TNFRSF19: variants seen among roughly 807,000 people sequenced by gnomAD.
TNFRSF19 encodes TNF receptor superfamily member 19.
Under a neutral mutation model 46.4 loss-of-function variants are expected in TNFRSF19, and 27 were observed. The observed-to-expected ratio is 0.58, with a 90% CI of 0.43 to 0.80. The LOEUF (loss-of-function observed/expected upper bound fraction) is 0.80. Ranked by LOEUF, TNFRSF19 falls within the 30% of genes least tolerant of loss-of-function variation. The pLI is 0.00. For synonymous variants in TNFRSF19, 204 were observed against 205.0 expected (o/e 1.00, Z 0.04); for missense variants, 511 against 530.8 (o/e 0.96, Z 0.37).
chr13:23,618,772 G>A (rs1013895921), intron 4 of TNFRSF19, among the ~76,000 whole-genome samples: 3 of 152,222 alleles, frequency 2.0e-5, no homozygotes, highest in Non-Finnish European at 4.4e-5. Flanking sequence ...GCTCTGGTTT[G>A]AATGTGTCCC....
intron 9 of TNFRSF19, chr13:23,669,453 AT>A (rs1951717550): frequency 1.0e-6 from 1 of 982,372 alleles, no homozygotes; most frequent in Non-Finnish European, 1.2e-6. Context: ...TATACTTATT[AT>A]TATATATATA....
intron 3 of TNFRSF19, among the ~76,000 whole-genome samples, chr13:23,608,857 C>T (rs1016830334): frequency 7.9e-5 from 12 of 152,158 alleles, no homozygotes; most frequent in African/African-American, 1.7e-4. Flanking sequence ...ACATGCACTG[C>T]GGGAGCTGCC....
At chr13:23,629,104 TCATCCACAAAGAG>T in intron 5 of TNFRSF19, among the ~76,000 whole-genome samples, 1 of 150,536 alleles carries the variant, frequency 6.6e-6, no homozygotes, top group Non-Finnish European at 1.5e-5. Flanking sequence ...TTTTTTTAGC[TCATCCACAAAGAG>T]CTACTGCTTC....
chr13:23,606,759 A>G (rs552010180), intron 3 of TNFRSF19, among the ~76,000 whole-genome samples: 4 of 152,362 alleles, frequency 2.6e-5, no homozygotes, highest in Admixed American at 2.0e-4. Context: ...TACAACAGAG[A>G]GGCAAAGGAT....
intron 1 of TNFRSF19, among the ~76,000 whole-genome samples, chr13:23,586,586 C>T (rs1283931529): frequency 6.6e-6 from 1 of 152,214 alleles, no homozygotes. Flanking sequence ...CGTGGTGACA[C>T]GCTAGCACTG....
chr13:23,576,940 G>A (rs78594963), intron 1 of TNFRSF19, among the ~76,000 whole-genome samples: 1,528 of 152,230 alleles, frequency 0.01, 31 homozygotes, highest in African/African-American at 0.035. Flanking sequence ...TTTTCTCACC[G>A]TCAATGATCA....
intron 3 of TNFRSF19, among the ~76,000 whole-genome samples, chr13:23,604,774 A>G (rs1426919732): frequency 1.3e-5 from 2 of 152,188 alleles, no homozygotes; most frequent in Non-Finnish European, 2.9e-5. Flanking sequence ...CAACAAATGG[A>G]TCTAAAACAA....
intron 5 of TNFRSF19, among the ~76,000 whole-genome samples, chr13:23,643,152 T>C (rs1001005624): frequency 3.9e-5 from 6 of 152,248 alleles, no homozygotes; most frequent in African/African-American, 1.4e-4. Context: ...AGAGGAGATT[T>C]AAAGCCACTG....
chr13:23,649,128 G>A (rs1883490098), intron 5 of TNFRSF19, among the ~76,000 whole-genome samples: 1 of 152,070 alleles, frequency 6.6e-6, no homozygotes, highest in Non-Finnish European at 1.5e-5. Context: ...CATTTTTTGG[G>A]ATGAGTTTGA....
At chr13:23,633,617 G>A (rs1474662390) in intron 5 of TNFRSF19, among the ~76,000 whole-genome samples, 2 of 152,198 alleles carry the variant, frequency 1.3e-5, no homozygotes, top group African/African-American at 4.8e-5. Context: ...GGGTGGCCAA[G>A]GTGGGTGGAT....
chr13:23,654,046 A>C (rs1044525058), intron 5 of TNFRSF19, among the ~76,000 whole-genome samples: 1 of 152,132 alleles, frequency 6.6e-6, no homozygotes, highest in Non-Finnish European at 1.5e-5. Flanking sequence ...AGAGCTGTGA[A>C]AAAAAGTCTT....
At chr13:23,586,182 T>C (rs1307429341) in intron 1 of TNFRSF19, among the ~76,000 whole-genome samples, 1 of 137,100 alleles carries the variant, frequency 7.3e-6, no homozygotes, top group Non-Finnish European at 1.5e-5. Context: ...GGTGTGAACC[T>C]GGGAGGCGGA....
At chr13:23,614,399 T>C (rs1441549579) in intron 3 of TNFRSF19, among the ~76,000 whole-genome samples, 2 of 152,318 alleles carry the variant, frequency 1.3e-5, no homozygotes, top group East Asian at 3.9e-4. Context: ...TTTTGGCCAA[T>C]AAGTACTGCT....
intron 5 of TNFRSF19, among the ~76,000 whole-genome samples, chr13:23,655,751 A>C (rs377734155): frequency 1.4e-5 from 2 of 144,004 alleles, no homozygotes; most frequent in Non-Finnish European, 1.5e-5. Context: ...CCCCCCCCTT[A>C]TTTTTGGTTT....
intron 5 of TNFRSF19, among the ~76,000 whole-genome samples, chr13:23,627,606 C>T (rs187866711): frequency 7.9e-5 from 12 of 152,262 alleles, no homozygotes; most frequent in East Asian, 3.9e-4. Context: ...TCAGGAGAGC[C>T]GCACTTCACG....
At chr13:23,658,979 C>T (rs1884160864) in intron 5 of TNFRSF19, 71 bp from the exon 6 acceptor site, 1 of 1,601,220 alleles carries the variant, frequency 6.2e-7, no homozygotes, top group Admixed American at 1.7e-5. Flanking sequence ...GTAAGGGTGC[C>T]TGCCAGCTTC....
intron 3 of TNFRSF19, among the ~76,000 whole-genome samples, chr13:23,607,125 A>G (rs1215838436): frequency 6.6e-6 from 1 of 152,130 alleles, no homozygotes; most frequent in Non-Finnish European, 1.5e-5. Context: ...TCTTTTTTAA[A>G]GCTTGAGATA....
chr13:23,656,984 G>T (rs1312164290), intron 5 of TNFRSF19, among the ~76,000 whole-genome samples: 1 of 152,026 alleles, frequency 6.6e-6, no homozygotes, highest in African/African-American at 2.4e-5. Flanking sequence ...TTTTTAGCTT[G>T]CTGTATAATG....
intron 5 of TNFRSF19, among the ~76,000 whole-genome samples, chr13:23,643,010 C>T (rs575111767): frequency 1.3e-5 from 2 of 152,320 alleles, no homozygotes; most frequent in Non-Finnish European, 2.9e-5. Context: ...TCTGCTTCAT[C>T]AGTAGGTGTA....
Sources: allele counts gnomAD v4.1 joint callset (sites outside exome capture counted in the v4.1 genomes callset), GRCh38; gene constraint gnomAD v4.1.1; transcripts MANE v1.5; gene names NCBI Gene and HGNC (gene_info 2026-07-23, HGNC 2026-07-21).